Variants in ST3GAL2 observed in about 807,000 individuals in gnomAD.
ST3GAL2 encodes the protein ST3 beta-galactoside alpha-2,3-sialyltransferase 2, also known as CMP-N-acetylneuraminate-beta-galactosamide-alpha-2,3-sialyltransferase 2.
A neutral mutation model predicts 37.5 loss-of-function variants in ST3GAL2; 16 were observed. That is an observed-to-expected ratio of 0.43 (90% CI 0.29 to 0.65). ST3GAL2 has a LOEUF of 0.65. ST3GAL2 is among the 30% of genes least tolerant of loss of function. ST3GAL2 has a pLI of 0.17. For synonymous variants in ST3GAL2, 238 were observed against 202.9 expected (o/e 1.17, Z -1.47); for missense variants, 383 against 487.8 (o/e 0.79, Z 2.02).
At chr16:70,414,257 G>C (rs1340391842) in intron 1 of ST3GAL2, among the ~76,000 whole-genome samples, 1 of 152,168 alleles carries the variant, frequency 6.6e-6, no homozygotes, top group African/African-American at 2.4e-5. Context: ...ATGAGGGCAG[G>C]AGACTGAGAT....
intron 1 of ST3GAL2, among the ~76,000 whole-genome samples, chr16:70,424,057 C>CA (rs1198729727): frequency 1.3e-5 from 2 of 148,772 alleles, no homozygotes; most frequent in Non-Finnish European, 3.0e-5. Flanking sequence ...GACTTCGTCT[C>CA]AAAAAAACAA....
intron 1 of ST3GAL2, among the ~76,000 whole-genome samples, chr16:70,426,545 C>G (rs2047753057): frequency 1.4e-5 from 2 of 145,048 alleles, no homozygotes; most frequent in South Asian, 2.2e-4. Flanking sequence ...GAGTTTCACT[C>G]TTGTTGCCTA....
chr16:70,398,202 C>A lies in ST3GAL2; in HGVS notation c.329G>T (p.Arg110Met). ...AGCAGCAGCTCTTACCATCCACCAC[C>A]TCTGGACGTCCGGTGGAAGATCCAT... ...ENMDLPPDVQ[R>M]WWMMLQPQFK... The change falls in exon 2 of 7, where the codon AGG becomes ATG. Residue 110 changes from arginine to methionine, a missense_variant. Physicochemically the swap from Arg to Met is moderately conservative, Grantham distance 91 (BLOSUM62 -1). Transcript: ENST00000342907. The A allele has an allele frequency of 1.2e-6, 2 of 1,612,728 alleles. No homozygotes were observed. Among genetic ancestry groups the A allele is most frequent in the Non-Finnish European group, 1.7e-6 (2 of 1,179,540 alleles).
chr16:70,401,134 CAG>C (rs1332092833), intron 1 of ST3GAL2: 1 of 152,432 alleles, frequency 6.6e-6, no homozygotes, highest in Non-Finnish European at 1.5e-5. Context: ...CCCTGGAAGA[CAG>C]TGACTTTGCA....
At chr16:70,429,038 G>C (rs2047770206) in intron 1 of ST3GAL2, among the ~76,000 whole-genome samples, 1 of 152,270 alleles carries the variant, frequency 6.6e-6, no homozygotes, top group African/African-American at 2.4e-5. Context: ...CCAGGACAGA[G>C]CAGGAGTTGG....
At chr16:70,387,174 T>C (rs1597556056) in intron 4 of ST3GAL2, among the ~76,000 whole-genome samples, 1 of 152,114 alleles carries the variant, frequency 6.6e-6, no homozygotes, top group East Asian at 1.9e-4. Flanking sequence ...GATAATCACT[T>C]GAACCTGGGA....
At chr16:70,414,876 A>T (rs558579272) in intron 1 of ST3GAL2, among the ~76,000 whole-genome samples, 7 of 149,208 alleles carry the variant, frequency 4.7e-5, no homozygotes, top group African/African-American at 7.4e-5. Flanking sequence ...TTTATTTATT[A>T]TTTATTTATT....
At chr16:70,422,008 C>T (rs192547952) in intron 1 of ST3GAL2, among the ~76,000 whole-genome samples, 24 of 152,280 alleles carry the variant, frequency 1.6e-4, no homozygotes, top group Admixed American at 3.3e-4. Context: ...GACCCCAATC[C>T]TCCCGTCTCA....
At chr16:70,438,448 C>T (rs1421412234) in intron 1 of ST3GAL2, among the ~76,000 whole-genome samples, 1 of 152,134 alleles carries the variant, frequency 6.6e-6, no homozygotes, top group Non-Finnish European at 1.5e-5. Context: ...AACTGGGCCA[C>T]TGAGGATGGT....
chr16:70,393,490 G>A (rs539625120), intron 3 of ST3GAL2, among the ~76,000 whole-genome samples: 1 of 152,314 alleles, frequency 6.6e-6, no homozygotes, highest in Admixed American at 6.5e-5. Flanking sequence ...CATCACTGAG[G>A]TGCCTGACCA....
intron 4 of ST3GAL2, among the ~76,000 whole-genome samples, chr16:70,383,814 C>T (rs530311272): frequency 6.6e-6 from 1 of 151,648 alleles, no homozygotes; most frequent in South Asian, 2.1e-4. Context: ...ATGCCTTACT[C>T]TAAAGCCTTC....
At chr16:70,414,212 T>C (rs911140996) in intron 1 of ST3GAL2, among the ~76,000 whole-genome samples, 9 of 152,178 alleles carry the variant, frequency 5.9e-5, no homozygotes, top group Admixed American at 5.9e-4. Flanking sequence ...TATCAAACCA[T>C]CTCTAACAAG....
At chr16:70,429,802 C>T (rs540651499) in intron 1 of ST3GAL2, among the ~76,000 whole-genome samples, 5 of 151,840 alleles carry the variant, frequency 3.3e-5, no homozygotes, top group South Asian at 2.1e-4. Context: ...CCACCACACC[C>T]GGCTAATTTT....
At chr16:70,422,544 A>C (rs1013073214) in intron 1 of ST3GAL2, among the ~76,000 whole-genome samples, 1 of 152,226 alleles carries the variant, frequency 6.6e-6, no homozygotes, top group African/African-American at 2.4e-5. Context: ...GGAAAGACAC[A>C]GGAGTGAGAG....
chr16:70,419,107 C>T (rs560487328), intron 1 of ST3GAL2, among the ~76,000 whole-genome samples: 4 of 152,212 alleles, frequency 2.6e-5, no homozygotes, highest in South Asian at 2.1e-4. Context: ...TGGTCTGGGT[C>T]CTACCCTCCC....
chr16:70,382,725 T>C (rs567574008), intron 6 of ST3GAL2, 80 bp downstream of exon 6: 1 of 1,591,310 alleles, frequency 6.3e-7, no homozygotes, highest in East Asian at 2.2e-5. Flanking sequence ...CACATTCCTC[T>C]GTTAGCCTGC....
chr16:70,398,153 C>T, intron 2 of ST3GAL2, 39 bp downstream of exon 2: 1 of 1,593,246 alleles, frequency 6.3e-7, no homozygotes, highest in Non-Finnish European at 8.6e-7. Context: ...GGCTCTAAAA[C>T]TGGGGGACAG....
At chr16:70,420,618 C>A (rs1017784918) in intron 1 of ST3GAL2, among the ~76,000 whole-genome samples, 2 of 152,236 alleles carry the variant, frequency 1.3e-5, no homozygotes, top group African/African-American at 4.8e-5. Flanking sequence ...AGGGGAATAA[C>A]AGGGCAGGGT....
intron 1 of ST3GAL2, among the ~76,000 whole-genome samples, chr16:70,404,056 C>T (rs1172384483): frequency 3.3e-5 from 5 of 152,018 alleles, no homozygotes; most frequent in African/African-American, 7.2e-5. Flanking sequence ...GTTGAACACA[C>T]CTGTTTGAAG....
Sources: allele counts gnomAD v4.1 joint callset (sites outside exome capture counted in the v4.1 genomes callset), GRCh38; gene constraint gnomAD v4.1.1; transcripts MANE v1.5; gene names NCBI Gene and HGNC (gene_info 2026-07-23, HGNC 2026-07-21).